The following TBX4 variants were observed in gnomAD, a reference collection of about 807,000 sequenced individuals.
The protein encoded by TBX4 is T-box transcription factor TBX4.
A neutral mutation model predicts 54.6 loss-of-function variants in TBX4; 13 were observed. The observed-to-expected ratio is 0.24, with a 90% CI of 0.15 to 0.38. The LOEUF (loss-of-function observed/expected upper bound fraction) is 0.38. TBX4 is among the 10% of genes least tolerant of loss of function. TBX4 has a pLI of 1.00. For missense variants in TBX4, 631 were observed against 728.5 expected, an observed-to-expected ratio of 0.87 and a Z score of 1.54; for synonymous variants, 314 against 306.7, an observed-to-expected ratio of 1.02 and a Z score of -0.25.
At position 61,466,032 on chromosome 17, in the gene TBX4, C is replaced by T. The variant is rs1257124345; in HGVS notation, c.401+94C>T. The T allele has an allele frequency of 5.1e-6, 8 of 1,580,930 alleles. No homozygotes were observed. In the East Asian group the frequency reaches 1.8e-4, roughly 36 times the overall value. On this transcript the variant is annotated intron_variant, in intron 4 of 8. Coordinates refer to ENST00000644296, the MANE Select transcript of TBX4 (RefSeq NM_001321120.2). Reference sequence around the variant, plus strand: ...TTTGTCCGGGGGATTTCTTAGCTACCTGAGTGACTGCCCAGGTCTGCAGGC... The same window carrying T: ...TTTGTCCGGGGGATTTCTTAGCTACTTGAGTGACTGCCCAGGTCTGCAGGC...
Position 61,465,892 on chromosome 17 carries a change from A to ACG in TBX4, c.355_356insCG (p.Ile119ThrfsTer54). ...GACCAAGTATATCCTGCTGATTGAC[A>ACG]TTGTCCCTGCCGATGACCATCGCTA... On this transcript the variant is annotated frameshift_variant, in exon 4 of 9. Transcript: ENST00000644296. LOFTEE classifies it high-confidence loss of function. This position sits in a 1 kb window ranked among gnomAD's most constrained non-coding sequence, Gnocchi z 4.9. 1 of 1,614,128 alleles carries ACG rather than the reference A, an allele frequency of 6.2e-7. No individual in the cohort carries two copies. Among genetic ancestry groups the ACG allele is most frequent in the Non-Finnish European group, 8.5e-7 (1 of 1,180,010 alleles).
Position 61,479,976 on chromosome 17 carries a change from C to CTGCG in TBX4, c.791+9_791+12dup, listed in dbSNP as rs1305199467. 2 of 1,613,838 alleles carry CTGCG rather than the reference C, an allele frequency of 1.2e-6. No homozygotes were observed. The highest frequency in any genetic ancestry group is 1.7e-6 in the Non-Finnish European group (2 of 1,179,946). ...GTGTGGCCCGACTGCAGAGGTGGGG[C>CTGCG]TGCGTAGCCTGGGGGTGGGGCGGGC... On this transcript the variant is annotated splice_region_variant and intron_variant, in intron 7 of 8. Transcript: ENST00000644296. The surrounding 1 kb of genome is among the most constrained non-coding windows in gnomAD (Gnocchi z 6.1).
At chr17:61,473,435 G>C (rs2060595240) in intron 5 of TBX4, among the ~76,000 whole-genome samples, 1 of 152,248 alleles carries the variant, frequency 6.6e-6, no homozygotes, top group South Asian at 2.1e-4. Flanking sequence ...CCTGAAGGGG[G>C]TGGTAATCAG....
At position 61,479,140 on chromosome 17, in the gene TBX4, A is replaced by T. The variant is rs562480541; in HGVS notation, c.702+361A>T. On this transcript the variant is annotated intron_variant, in intron 6 of 8. Coordinates refer to ENST00000644296, the MANE Select transcript of TBX4 (RefSeq NM_001321120.2). This position sits in a 1 kb window ranked among gnomAD's most constrained non-coding sequence, Gnocchi z 6.1. ...TTCATCTCCTGGTGCCTTCAGAGAC[A>T]GGGGTAGGGAATGGGGATAGGAGCC... 6.6e-6 allele frequency among the ~76,000 whole-genome samples: 1 copy of T among 152,116 alleles called. No homozygotes were observed. The highest frequency in any genetic ancestry group is 2.4e-5 in the African/African-American group (1 of 41,432).
rs558020529 is a variant in TBX4, at chr17:61,480,401, C to A, written c.1021+82C>A. On this transcript the variant is annotated intron_variant, in intron 8 of 8. Coordinates refer to ENST00000644296, the MANE Select transcript of TBX4 (RefSeq NM_001321120.2). The surrounding 1 kb of genome is among the most constrained non-coding windows in gnomAD (Gnocchi z 6.2). ...CCGAAACCACTCTGCAGCGCCCCCC[C>A]CCCCAACACACACACACTCATCTCG... 30 of 1,135,106 alleles carry A rather than the reference C, an allele frequency of 2.6e-5. No homozygotes were observed. The highest frequency in any genetic ancestry group is 1.4e-4 in the Admixed American group (7 of 50,502). The allele number at this position is 1,135,106 out of a possible 1,614,324, so 70.3% of individuals were successfully genotyped here.
intron 5 of TBX4, among the ~76,000 whole-genome samples, chr17:61,471,730 T>TA (rs2060579348): frequency 3.3e-5 from 5 of 152,052 alleles, no homozygotes; most frequent in Admixed American, 3.3e-4. Context: ...ATTATTATTA[T>TA]TTTAATTTCT....
chr17:61,463,922 A>G (rs2060516313), intron 3 of TBX4, among the ~76,000 whole-genome samples: 1 of 152,128 alleles, frequency 6.6e-6, no homozygotes, highest in Non-Finnish European at 1.5e-5. Flanking sequence ...GCCCACCAGG[A>G]GAGAGGCAGG....
At position 61,475,798 on chromosome 17, in the gene TBX4, C is replaced by T. The variant is rs528567053; in HGVS notation, c.550-2829C>T. On this transcript the variant is annotated intron_variant, in intron 5 of 8. Coordinates refer to ENST00000644296, the MANE Select transcript of TBX4 (RefSeq NM_001321120.2). This position sits in a 1 kb window ranked among gnomAD's most constrained non-coding sequence, Gnocchi z 5.0. Reference sequence around the variant, plus strand: ...CTCTGTCCTGGGTTCTCTCAGCCCACGGTCTTTGTTCTCCCTTTGCGCTGC... The same window carrying T: ...CTCTGTCCTGGGTTCTCTCAGCCCATGGTCTTTGTTCTCCCTTTGCGCTGC... Among the ~76,000 whole-genome samples, 12 of 152,256 alleles carry T rather than the reference C, an allele frequency of 7.9e-5. No homozygotes were observed. In the South Asian group the frequency reaches 2.3e-3, roughly 29 times the overall value.
At chr17:61,482,263 T>C (rs1432615449) in intron 8 of TBX4, among the ~76,000 whole-genome samples, 1 of 152,258 alleles carries the variant, frequency 6.6e-6, no homozygotes, top group African/African-American at 2.4e-5. Context: ...CTGAAAAGTA[T>C]GTCACCTTTT....
rs1026124706 is a variant in TBX4, at chr17:61,480,528, C to G, written c.1021+209C>G. Among the ~76,000 whole-genome samples the G allele has an allele frequency of 6.6e-6, 1 of 152,168 alleles. No homozygotes were observed. Among genetic ancestry groups the G allele is most frequent in the Admixed American group, 6.5e-5 (1 of 15,278 alleles). On this transcript the variant is annotated intron_variant, in intron 8 of 8. Transcript: ENST00000644296. The surrounding 1 kb of genome is among the most constrained non-coding windows in gnomAD (Gnocchi z 6.2). ...GGGATGCTGGTTCTCATCTCTCATG[C>G]TGCCTTTGGAACCCTCACAGACAGC...
At position 61,474,886 on chromosome 17, in the gene TBX4, G is replaced by T. The variant is rs997758141; in HGVS notation, c.550-3741G>T. 6.6e-6 allele frequency among the ~76,000 whole-genome samples: 1 copy of T among 152,200 alleles called. No homozygotes were observed. Among genetic ancestry groups the T allele is most frequent in the African/African-American group, 2.4e-5 (1 of 41,448 alleles). ...AGTTTATACTTGTCTTGGCTCAATG[G>T]GTGGGACTTTCTTCCAGATACCTGT... On this transcript the variant is annotated intron_variant, in intron 5 of 8. Coordinates refer to ENST00000644296, the MANE Select transcript of TBX4 (RefSeq NM_001321120.2). This position sits in a 1 kb window ranked among gnomAD's most constrained non-coding sequence, Gnocchi z 4.6.
rs2060589461 is a variant in TBX4 at position 61,472,692 on chromosome 17, AG to A, written c.549+5038del. Among the ~76,000 whole-genome samples the A allele has an allele frequency of 6.6e-6, 1 of 152,286 alleles. No individual in the cohort carries two copies. Among genetic ancestry groups the A allele is most frequent in the Non-Finnish European group, 1.5e-5 (1 of 68,012 alleles). Reference sequence around the variant, plus strand: ...GCCCTAACCCCCCTCCTTACTTATAAGGGACTTTTCTTTTAGTATTTTATGG... The same window carrying A: ...GCCCTAACCCCCCTCCTTACTTATAAGGACTTTTCTTTTAGTATTTTATGG... On this transcript the variant is annotated intron_variant, in intron 5 of 8. Transcript: ENST00000644296. This position sits in a 1 kb window ranked among gnomAD's most constrained non-coding sequence, Gnocchi z 4.5.
chr17:61,466,359 G>A (rs912442899), intron 4 of TBX4, among the ~76,000 whole-genome samples: 1 of 152,170 alleles, frequency 6.6e-6, no homozygotes, highest in East Asian at 1.9e-4. Context: ...GCTGTGTGGG[G>A]GCACTCGCCT....
rs1367769281 is a variant in TBX4 at position 61,462,813 on chromosome 17, T to C, written c.282-3006T>C. On this transcript the variant is annotated intron_variant, in intron 3 of 8. Transcript: ENST00000644296. The surrounding 1 kb of genome is among the most constrained non-coding windows in gnomAD (Gnocchi z 4.5). ...ATCACAGAAACAATTTACATCTCACTCCATCATTTCAAACCTTTCATGAGA... is the reference window on the plus strand; with the variant it reads ...ATCACAGAAACAATTTACATCTCACCCCATCATTTCAAACCTTTCATGAGA... 2 of 152,314 alleles carry C rather than the reference T, an allele frequency of 1.3e-5. No homozygotes were observed. The highest frequency in any genetic ancestry group is 4.8e-5 in the African/African-American group (2 of 41,562). The allele number at this position is 152,314 out of a possible 1,614,324, so 9.4% of individuals were successfully genotyped here.
Position 61,476,215 on chromosome 17 carries a change from C to T in TBX4, c.550-2412C>T, listed in dbSNP as rs1359415091. Among the ~76,000 whole-genome samples the T allele has an allele frequency of 1.3e-5, 2 of 152,202 alleles. No homozygotes were observed. The highest frequency in any genetic ancestry group is 2.1e-4 in the South Asian group (1 of 4,824). On this transcript the variant is annotated intron_variant, in intron 5 of 8. Coordinates refer to ENST00000644296, the MANE Select transcript of TBX4 (RefSeq NM_001321120.2). This position sits in a 1 kb window ranked among gnomAD's most constrained non-coding sequence, Gnocchi z 6.5. The stretch of plus-strand genomic sequence containing the variant: ...TGCAGAATGACAACCAGGTAGATAA[C>T]ACATGAGAAGTAAGTTTCAGAACTG...
chr17:61,455,859 G>C (rs2060444188), intron 1 of TBX4, among the ~76,000 whole-genome samples: 1 of 152,188 alleles, frequency 6.6e-6, no homozygotes, highest in Non-Finnish European at 1.5e-5. Flanking sequence ...TGCCAGAACG[G>C]GAAGAGGATG....
At chr17:61,467,359 C>T in intron 4 of TBX4, 151 bp from the exon 5 acceptor site, 1 of 847,696 alleles carries the variant, frequency 1.2e-6, no homozygotes, top group Non-Finnish European at 1.9e-6. Context: ...GAACCTCACA[C>T]TCCTACCCTT....
chr17:61,462,410 G>T lies in TBX4; in HGVS notation c.282-3409G>T, dbSNP rs1285746515. ...GAGCCCGACGGCGCGAGGGGAACTG[G>T]GGGAGCATGGAGAGGGCGCTTGGGG... On this transcript the variant is annotated intron_variant, in intron 3 of 8. Coordinates refer to ENST00000644296, the MANE Select transcript of TBX4 (RefSeq NM_001321120.2). This position sits in a 1 kb window ranked among gnomAD's most constrained non-coding sequence, Gnocchi z 4.5. Among the ~76,000 whole-genome samples the T allele has an allele frequency of 6.6e-6, 1 of 152,192 alleles. No individual in the cohort carries two copies.
intron 5 of TBX4, among the ~76,000 whole-genome samples, chr17:61,477,390 C>A (rs1012524244): frequency 6.6e-6 from 1 of 152,220 alleles, no homozygotes; most frequent in Non-Finnish European, 1.5e-5. Flanking sequence ...AGCCGCGCCT[C>A]CAGGGCGCTT....
Sources: gnomAD v4.1 joint callset for allele counts (sites outside exome capture counted in the v4.1 genomes callset) on GRCh38, gnomAD v4.1.1 for gene constraint, Gnocchi (gnomAD v3.1) non-coding constraint, MANE v1.5 for transcripts, NCBI Gene and HGNC (gene_info 2026-07-23, HGNC 2026-07-21) for gene names.